Variants in PKHD1 observed in about 807,000 individuals in gnomAD.
The protein encoded by PKHD1 is PKHD1 ciliary IPT domain containing fibrocystin/polyductin.
A neutral mutation model predicts 412.0 loss-of-function variants in PKHD1; 291 were observed. The observed-to-expected ratio is 0.71, with a 90% CI of 0.64 to 0.78. The LOEUF (loss-of-function observed/expected upper bound fraction) is 0.78, where lower values mean the gene tolerates loss of function less well. Ranked by LOEUF, PKHD1 falls within the 30% of genes least tolerant of loss-of-function variation. PKHD1 has a pLI of 0.00. For synonymous variants in PKHD1, 1,777 were observed against 1,821.5 expected, an observed-to-expected ratio of 0.98 and a Z score of 0.62; for missense variants, 4,825 against 4,950.7, an observed-to-expected ratio of 0.97 and a Z score of 0.76.
At chr6:51,991,843 T>C (rs1337266178) in intron 35 of PKHD1, among the ~76,000 whole-genome samples, 1 of 152,258 alleles carries the variant, frequency 6.6e-6, no homozygotes, top group Non-Finnish European at 1.5e-5. Context: ...CTTATGACCA[T>C]TCCAGATTTA....
At chr6:51,790,865 C>A (rs1035946281) in intron 53 of PKHD1, among the ~76,000 whole-genome samples, 3 of 152,156 alleles carry the variant, frequency 2.0e-5, no homozygotes, top group Admixed American at 6.5e-5. Flanking sequence ...GTTAGTTGAT[C>A]AGATGATATC....
At chr6:51,918,246 C>T (rs963151445) in intron 37 of PKHD1, among the ~76,000 whole-genome samples, 5 of 151,842 alleles carry the variant, frequency 3.3e-5, no homozygotes, top group African/African-American at 1.2e-4. Flanking sequence ...ATGCGCAGAA[C>T]GTGCAGGTTT....
intron 34 of PKHD1, among the ~76,000 whole-genome samples, chr6:52,014,681 A>C (rs1800255243): frequency 6.7e-6 from 1 of 149,288 alleles, no homozygotes; most frequent in Non-Finnish European, 1.5e-5. Flanking sequence ...AGATGGATGG[A>C]TGGATGAATA....
rs1304337599 is a variant in PKHD1 at position 52,073,508 on chromosome 6, G to T, written c.482C>A (p.Thr161Asn). ...AAAATCAAAAGTTTCCAATCTTCCA[G>T]TGATAATCCAGCCATATACATGTAT... The part of the protein sequence containing the change: ...KLIHVYGWII[T>N]GRLETFDFDA... The change falls in exon 7 of 67, where the codon ACT (threonine) becomes AAT (asparagine). Residue 161 changes from threonine (T) to asparagine (N), a missense_variant. By Grantham distance (65) the Thr-to-Asn change is moderately conservative. Transcript: ENST00000371117. 6 of 1,607,460 alleles carry T rather than the reference G, an allele frequency of 3.7e-6. No individual in the cohort carries two copies. Among genetic ancestry groups the T allele is most frequent in the Non-Finnish European group, 5.1e-6 (6 of 1,174,038 alleles).
intron 35 of PKHD1, among the ~76,000 whole-genome samples, chr6:51,975,341 T>C (rs1265869066): frequency 6.6e-6 from 1 of 151,856 alleles, no homozygotes; most frequent in African/African-American, 2.4e-5. Context: ...AAATCATCAA[T>C]AGAGGGAAAA....
intron 27 of PKHD1, among the ~76,000 whole-genome samples, chr6:52,038,158 G>A (rs1804238680): frequency 6.6e-6 from 1 of 152,136 alleles, no homozygotes; most frequent in African/African-American, 2.4e-5. Flanking sequence ...GAGGCAGGCA[G>A]ATCACAAGGT....
At chr6:52,014,868 T>A (rs1177125713) in intron 34 of PKHD1, among the ~76,000 whole-genome samples, 5 of 152,102 alleles carry the variant, frequency 3.3e-5, no homozygotes, top group Non-Finnish European at 7.4e-5. Flanking sequence ...CAGATGCACT[T>A]CTCCCTTTGC....
At chr6:51,948,871 C>A (rs563635357) in intron 36 of PKHD1, among the ~76,000 whole-genome samples, 1 of 152,088 alleles carries the variant, frequency 6.6e-6, no homozygotes, top group South Asian at 2.1e-4. Context: ...ATAGGCTCAA[C>A]GAAGAGCCTT....
chr6:52,082,391 C>T lies in PKHD1; in HGVS notation c.281+1G>A, dbSNP rs1582154630. On this transcript the variant is annotated splice_donor_variant, in intron 4 of 66. Transcript: ENST00000371117. LOFTEE classifies it high-confidence loss of function. Reference sequence around the variant, plus strand: ...GTCTTCCTATTCCCAGACAGGTATACCTGGTCCGGCATGTCACCACAGGCA... The same window carrying T: ...GTCTTCCTATTCCCAGACAGGTATATCTGGTCCGGCATGTCACCACAGGCA... 3 of 1,614,030 alleles carry T rather than the reference C, an allele frequency of 1.9e-6. No individual in the cohort carries two copies. The highest frequency in any genetic ancestry group is 2.5e-6 in the Non-Finnish European group (3 of 1,179,920).
intron 35 of PKHD1, among the ~76,000 whole-genome samples, chr6:51,961,752 T>C (rs934090781): frequency 2.0e-5 from 3 of 152,130 alleles, no homozygotes; most frequent in South Asian, 4.1e-4. Context: ...CCAGGTTATC[T>C]GTAGTGTCAG....
intron 48 of PKHD1, among the ~76,000 whole-genome samples, chr6:51,862,686 G>C (rs1230739481): frequency 6.6e-6 from 1 of 152,192 alleles, no homozygotes; most frequent in Non-Finnish European, 1.5e-5. Context: ...CACTACAGGA[G>C]AGGATATTAA....
intron 52 of PKHD1, among the ~76,000 whole-genome samples, chr6:51,826,616 G>A (rs1767367753): frequency 6.6e-6 from 1 of 152,124 alleles, no homozygotes; most frequent in South Asian, 2.1e-4. Context: ...ATGCATTCAG[G>A]CCAATTTTTC....
chr6:51,634,673 A>T (rs1241163192), intron 64 of PKHD1, among the ~76,000 whole-genome samples: 1 of 152,224 alleles, frequency 6.6e-6, no homozygotes, highest in Non-Finnish European at 1.5e-5. Context: ...TTTATTTTCC[A>T]TTGATATGAT....
chr6:51,922,250 C>T (rs1463207436), intron 37 of PKHD1, among the ~76,000 whole-genome samples: 1 of 152,226 alleles, frequency 6.6e-6, no homozygotes, highest in Non-Finnish European at 1.5e-5. Context: ...TGGGTATCAC[C>T]AGCAGAGGCT....
chr6:51,618,895 T>C lies in PKHD1; in HGVS notation c.*186A>G. On this transcript the variant is annotated 3_prime_UTR_variant, in exon 67 of 67. Transcript: ENST00000371117. ...GATCATGATAGCTGCAAAATATGTA[T>C]GAGACATTTTTCAGTCTGTAAGCAT... The C allele has an allele frequency of 3.1e-6, 2 of 637,454 alleles. No individual in the cohort carries two copies. The highest frequency in any genetic ancestry group is 2.8e-6 in the Non-Finnish European group (1 of 360,100). The allele number at this position is 637,454 out of a possible 1,614,324, so 39.5% of individuals were successfully genotyped here. A position where few individuals can be genotyped will look rare whatever the true frequency, so the allele number is the denominator to read the frequency against.
intron 36 of PKHD1, among the ~76,000 whole-genome samples, chr6:51,939,939 C>G (rs2499463): frequency 6.6e-6 from 1 of 151,154 alleles, no homozygotes; most frequent in Non-Finnish European, 1.5e-5. Flanking sequence ...TTTAATTCCT[C>G]GACTATCCCT....
At chr6:51,822,583 T>A (rs552074739) in intron 52 of PKHD1, among the ~76,000 whole-genome samples, 4 of 152,184 alleles carry the variant, frequency 2.6e-5, no homozygotes, top group African/African-American at 9.6e-5. Flanking sequence ...TACTCAAGGC[T>A]TCCTTAGTCA....
intron 60 of PKHD1, among the ~76,000 whole-genome samples, chr6:51,713,539 A>G (rs1054872093): frequency 1.3e-5 from 2 of 152,198 alleles, no homozygotes; most frequent in African/African-American, 4.8e-5. Context: ...GAGTAAGAAC[A>G]TTGATAATCT....
intron 49 of PKHD1, among the ~76,000 whole-genome samples, chr6:51,850,007 T>C (rs1771906582): frequency 6.6e-6 from 1 of 152,258 alleles, no homozygotes; most frequent in Non-Finnish European, 1.5e-5. Flanking sequence ...GGTTTTCTTC[T>C]AGGGTTTTTA....
Sources: gnomAD v4.1 joint callset for allele counts (sites outside exome capture counted in the v4.1 genomes callset) on GRCh38, gnomAD v4.1.1 for gene constraint, MANE v1.5 for transcripts, NCBI Gene and HGNC (gene_info 2026-07-23, HGNC 2026-07-21) for gene names.